The following MYO3B variants were observed in gnomAD, a reference collection of about 807,000 sequenced individuals.
MYO3B encodes myosin-IIIb.
MYO3B carries 156 observed loss-of-function variants against 174.6 expected under a neutral mutation model. The ratio of observed to expected loss-of-function variants is 0.89; its 90% CI spans 0.78 to 1.02. The LOEUF (loss-of-function observed/expected upper bound fraction) is 1.02, where lower values mean the gene tolerates loss of function less well. Among genes scored for constraint, MYO3B ranks in the 50% least tolerant of loss-of-function variants. The pLI is 0.00. For synonymous variants in MYO3B, 563 were observed against 569.1 expected, an observed-to-expected ratio of 0.99 and a Z score of 0.15; for missense variants, 1,632 against 1,639.4, an observed-to-expected ratio of 1.00 and a Z score of 0.08.
chr2:170,400,402 C>CA, intron 17 of MYO3B, 88 bp downstream of exon 17: 37 of 1,000,766 alleles, frequency 3.7e-5, no homozygotes, highest in Middle Eastern at 3.1e-4. Flanking sequence ...TTTGCTGGTC[C>CA]TTTTTTTTTT....
At chr2:170,610,024 C>T (rs1183559160) in intron 32 of MYO3B, among the ~76,000 whole-genome samples, 1 of 152,200 alleles carries the variant, frequency 6.6e-6, no homozygotes, top group East Asian at 1.9e-4. Context: ...GGTCAAACAA[C>T]CAATGCCCAC....
At chr2:170,607,546 C>G (rs926898458) in intron 32 of MYO3B, among the ~76,000 whole-genome samples, 5 of 151,148 alleles carry the variant, frequency 3.3e-5, no homozygotes, top group Non-Finnish European at 7.4e-5. Context: ...CATGACCATT[C>G]CTGAATTCAG....
chr2:170,639,465 A>T (rs1407644800), intron 32 of MYO3B, among the ~76,000 whole-genome samples: 1 of 152,226 alleles, frequency 6.6e-6, no homozygotes, highest in Non-Finnish European at 1.5e-5. Context: ...TCTCCACGTG[A>T]AAGTACGTGG....
At chr2:170,194,469 C>T (rs1318460932) in intron 1 of MYO3B, among the ~76,000 whole-genome samples, 2 of 150,836 alleles carry the variant, frequency 1.3e-5, no homozygotes, top group African/African-American at 4.9e-5. Flanking sequence ...TGTGCCACTG[C>T]ACTCCAGCCT....
chr2:170,419,768 A>G (rs1075481), intron 22 of MYO3B, among the ~76,000 whole-genome samples: 75,469 of 151,958 alleles, frequency 0.5, 18,915 homozygotes, highest in Admixed American at 0.62. Context: ...CTAGGGAGCT[A>G]GCCTAGAGAA....
chr2:170,484,081 A>G (rs950960339), intron 25 of MYO3B, among the ~76,000 whole-genome samples: 2 of 152,244 alleles, frequency 1.3e-5, no homozygotes, highest in Admixed American at 6.5e-5. Flanking sequence ...ATGTTTGGGT[A>G]GGAGAAGAGA....
At chr2:170,464,158 G>A (rs1447336878) in intron 24 of MYO3B, among the ~76,000 whole-genome samples, 1 of 151,892 alleles carries the variant, frequency 6.6e-6, no homozygotes, top group Non-Finnish European at 1.5e-5. Context: ...TAAGAGACCA[G>A]CCTGGCCAAC....
chr2:170,380,021 C>T (rs2094323726), intron 9 of MYO3B, among the ~76,000 whole-genome samples: 1 of 152,216 alleles, frequency 6.6e-6, no homozygotes, highest in African/African-American at 2.4e-5. Context: ...TTGTGAAATG[C>T]ATACCAAAGG....
intron 32 of MYO3B, among the ~76,000 whole-genome samples, chr2:170,636,340 G>A (rs1231488142): frequency 6.6e-6 from 1 of 151,144 alleles, no homozygotes; most frequent in Admixed American, 6.6e-5. Flanking sequence ...AAGGAGCCAC[G>A]CTGGAAATAA....
intron 8 of MYO3B, among the ~76,000 whole-genome samples, chr2:170,356,700 T>C (rs2094124157): frequency 6.6e-6 from 1 of 152,052 alleles, no homozygotes; most frequent in Non-Finnish European, 1.5e-5. Flanking sequence ...GAAAGCTATA[T>C]CTTTAGTCTT....
At chr2:170,523,823 G>A (rs77783477) in intron 30 of MYO3B, among the ~76,000 whole-genome samples, 4,501 of 152,266 alleles carry the variant, frequency 0.03, 219 homozygotes, top group African/African-American at 0.1. Flanking sequence ...TTTGCTAGGA[G>A]GGAAATCTTT....
chr2:170,595,078 A>T (rs1694059045), intron 32 of MYO3B, among the ~76,000 whole-genome samples: 1 of 152,142 alleles, frequency 6.6e-6, no homozygotes, highest in East Asian at 1.9e-4. Context: ...TGGCTCTGAC[A>T]TCGAGCCATG....
At chr2:170,642,005 T>C (rs1698010504) in intron 32 of MYO3B, among the ~76,000 whole-genome samples, 1 of 152,146 alleles carries the variant, frequency 6.6e-6, no homozygotes, top group Non-Finnish European at 1.5e-5. Flanking sequence ...TTTTAGAGAC[T>C]GATTTCATCT....
intron 32 of MYO3B, chr2:170,646,868 T>C: frequency 7.9e-7 from 1 of 1,264,812 alleles, no homozygotes; most frequent in Non-Finnish European, 1.1e-6. Flanking sequence ...CATTTTTCAG[T>C]ATCTCGTTTT....
chr2:170,343,182 G>A (rs1250003975), intron 8 of MYO3B, among the ~76,000 whole-genome samples: 2 of 152,098 alleles, frequency 1.3e-5, no homozygotes, highest in African/African-American at 2.4e-5. Flanking sequence ...GCTTACGACT[G>A]TAATCCTAGC....
chr2:170,250,655 G>T (rs571988381), intron 7 of MYO3B, among the ~76,000 whole-genome samples: 21 of 152,340 alleles, frequency 1.4e-4, no homozygotes, highest in African/African-American at 5.1e-4. Flanking sequence ...GGGCCAGTGT[G>T]ACAGCCTTCT....
Position 170,242,420 on chromosome 2 carries a change from T to C in MYO3B, c.749+6284T>C, listed in dbSNP as rs928890530. ...TGGGCCCAGGACTTGACACTCCCTT[T>C]CCGTGGGAACCCAGTAGCTGGAGGC... On this transcript the variant is annotated intron_variant, in intron 7 of 34. Transcript: ENST00000408978. Among the ~76,000 whole-genome samples, 4 of 152,170 alleles carry C rather than the reference T, an allele frequency of 2.6e-5. No individual in the cohort carries two copies. The East Asian group carries it at 7.7e-4, about 29-fold the overall frequency.
At chr2:170,539,880 C>T (rs1689973783) in intron 30 of MYO3B, among the ~76,000 whole-genome samples, 1 of 152,050 alleles carries the variant, frequency 6.6e-6, no homozygotes, top group Non-Finnish European at 1.5e-5. Flanking sequence ...CCTCAACCTC[C>T]CGAAGTGCTA....
chr2:170,474,784 A>G (rs200538069), intron 25 of MYO3B, among the ~76,000 whole-genome samples: 1,437 of 119,458 alleles, frequency 0.012, 75 homozygotes, highest in East Asian at 0.095. Flanking sequence ...AAAAAAAAAA[A>G]GATAGGCATC....
Sources: allele counts gnomAD v4.1 joint callset (sites outside exome capture counted in the v4.1 genomes callset), GRCh38; gene constraint gnomAD v4.1.1; transcripts MANE v1.5; gene names NCBI Gene and HGNC (gene_info 2026-07-23, HGNC 2026-07-21).